The following RPH3A variants were observed in gnomAD, a reference collection of about 807,000 sequenced individuals.
RPH3A encodes rabphilin-3A.
RPH3A carries 48 observed loss-of-function variants against 102.2 expected under a neutral mutation model. The ratio of observed to expected loss-of-function variants is 0.47; its 90% CI spans 0.37 to 0.60. The LOEUF is 0.60. Among genes scored for constraint, RPH3A ranks in the 20% least tolerant of loss-of-function variants. The pLI is 0.00. For missense variants in RPH3A, 781 were observed against 910.1 expected (o/e 0.86, Z 1.83); for synonymous variants, 310 against 324.3 (o/e 0.96, Z 0.47).
intron 1 of RPH3A, among the ~76,000 whole-genome samples, chr12:112,701,643 G>C (rs2040394957): frequency 6.6e-6 from 1 of 152,212 alleles, no homozygotes; most frequent in Non-Finnish European, 1.5e-5. Flanking sequence ...GAGTGATAGA[G>C]ATGGTAAGAT....
chr12:112,743,274 A>T (rs1200702772), intron 1 of RPH3A, among the ~76,000 whole-genome samples: 1 of 152,214 alleles, frequency 6.6e-6, no homozygotes, highest in Non-Finnish European at 1.5e-5. Flanking sequence ...GCAGCGTGGA[A>T]CACTCCAGGC....
chr12:112,706,050 G>A (rs540432556), intron 1 of RPH3A, among the ~76,000 whole-genome samples: 6 of 152,296 alleles, frequency 3.9e-5, no homozygotes, highest in Admixed American at 1.3e-4. Flanking sequence ...CCTGACAGTT[G>A]CATAGTGCTA....
intron 1 of RPH3A, among the ~76,000 whole-genome samples, chr12:112,610,487 A>C (rs1368684839): frequency 7.1e-6 from 1 of 140,174 alleles, no homozygotes; most frequent in Non-Finnish European, 1.5e-5. Flanking sequence ...TGGGCAACAG[A>C]GTGAGACTCT....
chr12:112,697,829 C>T (rs2040363182), intron 1 of RPH3A, among the ~76,000 whole-genome samples: 1 of 151,740 alleles, frequency 6.6e-6, no homozygotes, highest in Non-Finnish European at 1.5e-5. Flanking sequence ...CATGGCACTG[C>T]ACTGCAGCCT....
chr12:112,740,178 A>T (rs540293522), intron 1 of RPH3A, among the ~76,000 whole-genome samples: 1 of 152,266 alleles, frequency 6.6e-6, no homozygotes, highest in South Asian at 2.1e-4. Flanking sequence ...AAATGGAGAT[A>T]ATAATAGTAC....
chr12:112,702,257 A>G (rs2040399570), intron 1 of RPH3A, among the ~76,000 whole-genome samples: 1 of 152,154 alleles, frequency 6.6e-6, no homozygotes, highest in African/African-American at 2.4e-5. Flanking sequence ...CCCACTCCCC[A>G]CTTCTTTGCC....
intron 2 of RPH3A, among the ~76,000 whole-genome samples, chr12:112,793,507 C>A (rs1332487739): frequency 6.6e-6 from 1 of 152,136 alleles, no homozygotes; most frequent in Admixed American, 6.5e-5. Flanking sequence ...TGCTGAAATC[C>A]CACAGCATGT....
At chr12:112,877,656 C>T (rs1421542434) in intron 13 of RPH3A, among the ~76,000 whole-genome samples, 1 of 152,194 alleles carries the variant, frequency 6.6e-6, no homozygotes, top group Non-Finnish European at 1.5e-5. Flanking sequence ...ACGGCCTTGA[C>T]CTGCCATGTC....
intron 1 of RPH3A, among the ~76,000 whole-genome samples, chr12:112,712,041 A>G (rs945858239): frequency 1.3e-5 from 2 of 152,114 alleles, no homozygotes; most frequent in Non-Finnish European, 2.9e-5. Context: ...CATGTTGGTC[A>G]GGTTGGTCTC....
At chr12:112,705,038 TGGA>T (rs1186773562) in intron 1 of RPH3A, among the ~76,000 whole-genome samples, 3 of 152,242 alleles carry the variant, frequency 2.0e-5, no homozygotes, top group African/African-American at 7.2e-5. Flanking sequence ...CAATCTGGTA[TGGA>T]GGCTCTATGT....
At chr12:112,767,093 T>C (rs1451102340) in intron 1 of RPH3A, among the ~76,000 whole-genome samples, 1 of 152,156 alleles carries the variant, frequency 6.6e-6, no homozygotes, top group Non-Finnish European at 1.5e-5. Context: ...GCCAGGCTCC[T>C]CACTCATGCA....
At chr12:112,620,632 C>T (rs1417780729) in intron 1 of RPH3A, among the ~76,000 whole-genome samples, 8 of 152,160 alleles carry the variant, frequency 5.3e-5, no homozygotes, top group Non-Finnish European at 8.8e-5. Context: ...ATGAACTTCT[C>T]GTAGGAACTT....
chr12:112,600,678 T>A (rs555325664), intron 1 of RPH3A, among the ~76,000 whole-genome samples: 14 of 152,196 alleles, frequency 9.2e-5, no homozygotes, highest in African/African-American at 1.4e-4. Context: ...ACGTCTTCCT[T>A]CTTTTTTTGA....
intron 2 of RPH3A, among the ~76,000 whole-genome samples, chr12:112,826,152 G>A (rs1593049164): frequency 2.0e-5 from 3 of 152,084 alleles, no homozygotes; most frequent in South Asian, 2.1e-4. Flanking sequence ...CCTCTTGGAC[G>A]AGGTGCATTT....
At chr12:112,754,314 A>G (rs1033133146) in intron 1 of RPH3A, among the ~76,000 whole-genome samples, 6 of 152,202 alleles carry the variant, frequency 3.9e-5, no homozygotes, top group African/African-American at 1.4e-4. Flanking sequence ...GAAATAAAAC[A>G]TCTAAAGCAT....
At chr12:112,685,306 T>C (rs1022232988) in intron 1 of RPH3A, among the ~76,000 whole-genome samples, 5 of 152,172 alleles carry the variant, frequency 3.3e-5, no homozygotes, top group African/African-American at 1.2e-4. Flanking sequence ...TCATTATCCC[T>C]GAAGACCCCA....
intron 2 of RPH3A, among the ~76,000 whole-genome samples, chr12:112,803,109 T>C (rs546827094): frequency 6.6e-6 from 1 of 152,110 alleles, no homozygotes; most frequent in South Asian, 2.1e-4. Flanking sequence ...TTTGTCCCAA[T>C]TGGTTACTAT....
At chr12:112,878,809 T>C (rs1212499093) in intron 13 of RPH3A, among the ~76,000 whole-genome samples, 1 of 152,202 alleles carries the variant, frequency 6.6e-6, no homozygotes, top group East Asian at 1.9e-4. Flanking sequence ...TTATGTGCCA[T>C]GTGTTGTGAC....
chr12:112,863,982 G>T (rs539206149), intron 5 of RPH3A, among the ~76,000 whole-genome samples: 2 of 152,202 alleles, frequency 1.3e-5, no homozygotes, highest in Admixed American at 1.3e-4. Context: ...GCCTGGCCCC[G>T]GGGAACTCAT....
Sources: gnomAD v4.1 joint callset for allele counts (sites outside exome capture counted in the v4.1 genomes callset) on GRCh38, gnomAD v4.1.1 for gene constraint, MANE v1.5 for transcripts, NCBI Gene and HGNC (gene_info 2026-07-23, HGNC 2026-07-21) for gene names.